Variants in DPP9 observed in about 807,000 individuals in gnomAD.
The protein encoded by DPP9 is dipeptidyl peptidase 9.
Under a neutral mutation model 110.7 loss-of-function variants are expected in DPP9, and 50 were observed. That is an observed-to-expected ratio of 0.45 (90% CI 0.36 to 0.57). The LOEUF (loss-of-function observed/expected upper bound fraction) is 0.57. Among genes scored for constraint, DPP9 ranks in the 20% least tolerant of loss-of-function variants. DPP9 has a pLI of 0.00. For synonymous variants in DPP9, 561 were observed against 514.4 expected (o/e 1.09, Z -1.23); for missense variants, 1,022 against 1,217.9 (o/e 0.84, Z 2.39).
chr19:4,692,988 G>A (rs983028139), intron 13 of DPP9, among the ~76,000 whole-genome samples: 3 of 152,144 alleles, frequency 2.0e-5, no homozygotes, highest in African/African-American at 4.8e-5. Flanking sequence ...TGGCTCATTC[G>A]CCCTTCAGCT....
In DPP9 at chr19:4,714,105, G is replaced by C. The variant is rs1174122867; in HGVS notation, c.289C>G (p.His97Asp). 6.2e-7 allele frequency: 1 copy of C among 1,611,906 alleles called. No homozygotes were observed. The highest frequency in any genetic ancestry group is 1.3e-5 in the African/African-American group (1 of 74,892). Residue 97 changes from histidine (H) to aspartate (D), a missense_variant, in exon 4 of 22, where the codon CAC becomes GAC. By Grantham distance (81) the His-to-Asp change is moderately conservative (BLOSUM62 -1). Coordinates refer to ENST00000262960, the MANE Select transcript of DPP9 (RefSeq NM_139159.5). Reference sequence around the variant, plus strand: ...CCCAGGTAGTAGAGGCGGTGGGAGTGGGGCCCAGACTCATCCGTCTTCTGC... The same window carrying C: ...CCCAGGTAGTAGAGGCGGTGGGAGTCGGGCCCAGACTCATCCGTCTTCTGC... ...FVQKTDESGPHSHRLYYLGMP... is the reference protein window; with the variant it reads ...FVQKTDESGPDSHRLYYLGMP...
At position 4,704,428 on chromosome 19, in the gene DPP9, A is replaced by T. The variant is rs2092469906; in HGVS notation, c.427-124T>A. 1 of 1,191,860 alleles carries T rather than the reference A, an allele frequency of 8.4e-7. No individual in the cohort carries two copies. Among genetic ancestry groups the T allele is most frequent in the Non-Finnish European group, 1.2e-6 (1 of 850,418 alleles). 73.8% of individuals were successfully genotyped at this position (1,191,860 alleles called of 1,614,324 possible). A position where few individuals can be genotyped will look rare whatever the true frequency, so the allele number is the denominator to read the frequency against. ...CTGACTTCGGGCCTCGCCAGAGAGA[A>T]CTTCCTGTACTGGGCAGAATTGGCT... On this transcript the variant is annotated intron_variant, in intron 5 of 21. Transcript: ENST00000262960. This position sits in a 1 kb window ranked among gnomAD's most constrained non-coding sequence, Gnocchi z 6.0.
rs1267518520 is a variant in DPP9, at chr19:4,675,332, T to A, written c.*1232A>T. On this transcript the variant is annotated 3_prime_UTR_variant, in exon 22 of 22. Transcript: ENST00000262960. Reference sequence around the variant, plus strand: ...TTCTTTCCATAATATGTAGAGGTGGTTTGTTTCTTTTTTTTTTTTTTCTTT... The same window carrying A: ...TTCTTTCCATAATATGTAGAGGTGGATTGTTTCTTTTTTTTTTTTTTCTTT... The A allele has an allele frequency of 1.3e-5, 2 of 149,988 alleles. No individual in the cohort carries two copies. The highest frequency in any genetic ancestry group is 3.0e-5 in the Non-Finnish European group (2 of 66,802). The allele number at this position is 149,988 out of a possible 1,614,324, so 9.3% of individuals were successfully genotyped here.
At chr19:4,719,496 T>G in intron 3 of DPP9, 1 of 308,858 alleles carries the variant, frequency 3.2e-6, no homozygotes, top group Non-Finnish European at 6.2e-6. Flanking sequence ...TACCCAGGAG[T>G]GATTCTGCCC....
intron 10 of DPP9, among the ~76,000 whole-genome samples, chr19:4,697,919 G>A (rs912270315): frequency 2.6e-5 from 4 of 152,174 alleles, no homozygotes; most frequent in Non-Finnish European, 5.9e-5. Flanking sequence ...CACATAGAGG[G>A]AAGCCGTCTT....
Position 4,676,175 on chromosome 19 carries a change from G to A in DPP9, c.*389C>T, listed in dbSNP as rs944299171. On this transcript the variant is annotated 3_prime_UTR_variant, in exon 22 of 22. Coordinates refer to ENST00000262960, the MANE Select transcript of DPP9 (RefSeq NM_139159.5). This position sits in a 1 kb window ranked among gnomAD's most constrained non-coding sequence, Gnocchi z 4.0. ...CAGGCAATTGCATGCTTGGGTGCTG[G>A]GGACGGTGGCTGGCCGGGCCAGGGG... 4.7e-6 allele frequency: 1 copy of A among 214,072 alleles called. No homozygotes were observed. The highest frequency in any genetic ancestry group is 9.4e-6 in the Non-Finnish European group (1 of 106,790). 13.3% of individuals were successfully genotyped at this position (214,072 alleles called of 1,614,324 possible). A position where few individuals can be genotyped will look rare whatever the true frequency, so the allele number is the denominator to read the frequency against.
intron 3 of DPP9, among the ~76,000 whole-genome samples, chr19:4,716,719 C>T (rs1331826353): frequency 6.6e-6 from 1 of 152,080 alleles, no homozygotes; most frequent in Non-Finnish European, 1.5e-5. Flanking sequence ...CTTGTGACAG[C>T]CCATTCTACA....
intron 2 of DPP9, among the ~76,000 whole-genome samples, chr19:4,720,536 C>T (rs1238812028): frequency 2.0e-5 from 3 of 152,240 alleles, no homozygotes; most frequent in African/African-American, 7.2e-5. Flanking sequence ...CCCATCACCA[C>T]ACCCAGACGC....
intron 4 of DPP9, among the ~76,000 whole-genome samples, chr19:4,709,862 G>A (rs1340086049): frequency 6.6e-6 from 1 of 152,216 alleles, no homozygotes; most frequent in Non-Finnish European, 1.5e-5. Flanking sequence ...CTAGTCCACA[G>A]GGACTCTCCA....
At chr19:4,705,366 A>G (rs1172209794) in intron 5 of DPP9, among the ~76,000 whole-genome samples, 1 of 152,174 alleles carries the variant, frequency 6.6e-6, no homozygotes, top group Non-Finnish European at 1.5e-5. Context: ...TGGAACTACA[A>G]GGCGAGTGCC....
At chr19:4,696,678 G>T (rs1248009424) in intron 11 of DPP9, among the ~76,000 whole-genome samples, 1 of 151,942 alleles carries the variant, frequency 6.6e-6, no homozygotes, top group Non-Finnish European at 1.5e-5. Context: ...GAACCTGGGA[G>T]TCAGAGGTTG....
At chr19:4,692,943 T>G (rs947745162) in intron 13 of DPP9, among the ~76,000 whole-genome samples, 4 of 152,156 alleles carry the variant, frequency 2.6e-5, no homozygotes. Context: ...CGCATCATAC[T>G]CAGCTCCGTG....
chr19:4,720,512 G>C (rs2093272382), intron 2 of DPP9, among the ~76,000 whole-genome samples: 1 of 152,094 alleles, frequency 6.6e-6, no homozygotes, highest in African/African-American at 2.4e-5. Context: ...ATCTGAAGAT[G>C]CTACCTGGCG....
intron 1 of DPP9, among the ~76,000 whole-genome samples, chr19:4,723,277 A>C (rs2093403248): frequency 6.6e-6 from 1 of 151,996 alleles, no homozygotes; most frequent in Non-Finnish European, 1.5e-5. Flanking sequence ...GGGGAGAGGG[A>C]GGAGATCGGG....
intron 4 of DPP9, among the ~76,000 whole-genome samples, chr19:4,713,652 G>A (rs959261458): frequency 2.0e-5 from 3 of 152,242 alleles, no homozygotes; most frequent in African/African-American, 7.2e-5. Flanking sequence ...TCCTCCTGGA[G>A]TTACTCCCGA....
Position 4,685,777 on chromosome 19 carries a change from G to A in DPP9, c.1886-6C>T. Reference sequence around the variant, plus strand: ...AACATAATCCGGGGGGCAGCCTGCGGGAGACAGGGCGGCTATCTGGCTGCC... The same window carrying A: ...AACATAATCCGGGGGGCAGCCTGCGAGAGACAGGGCGGCTATCTGGCTGCC... On this transcript the variant is annotated splice_region_variant and splice_polypyrimidine_tract_variant and intron_variant, in intron 16 of 21. Transcript: ENST00000262960. The surrounding 1 kb of genome is among the most constrained non-coding windows in gnomAD (Gnocchi z 5.8). 3 of 1,612,040 alleles carry A rather than the reference G, an allele frequency of 1.9e-6. No homozygotes were observed. The highest frequency in any genetic ancestry group is 2.5e-6 in the Non-Finnish European group (3 of 1,179,708).
chr19:4,720,040 G>GCC (rs3833277), intron 2 of DPP9, 99 bp from the exon 3 acceptor site: 29 of 1,045,604 alleles, frequency 2.8e-5, no homozygotes, highest in Non-Finnish European at 2.7e-5. Flanking sequence ...GCTCCAGGCA[G>GCC]CCCCCCAAGC....
chr19:4,722,314 G>C lies in DPP9; in HGVS notation c.-36+185C>G, dbSNP rs2093357593. The C allele has an allele frequency of 5.2e-6, 3 of 582,384 alleles. No homozygotes were observed. The Admixed American group carries it at 9.1e-5, about 18-fold the overall frequency. 36.1% of individuals were successfully genotyped at this position (582,384 alleles called of 1,614,324 possible). A position where few individuals can be genotyped will look rare whatever the true frequency, so the allele number is the denominator to read the frequency against. ...CTCCTTCCAGGGGCAGCTAGAGGGGGACAGGGGTGGAAAGAAAAGCCTCCA... is the reference window on the plus strand; with the variant it reads ...CTCCTTCCAGGGGCAGCTAGAGGGGCACAGGGGTGGAAAGAAAAGCCTCCA... On this transcript the variant is annotated intron_variant, in intron 2 of 21. Transcript: ENST00000262960.
At chr19:4,680,596 C>T (rs2089711016) in intron 20 of DPP9, among the ~76,000 whole-genome samples, 1 of 149,942 alleles carries the variant, frequency 6.7e-6, no homozygotes, top group African/African-American at 2.5e-5. Flanking sequence ...ACCTGTGGTC[C>T]CAGCTGAGCC....
Sources: gnomAD v4.1 joint callset for allele counts (sites outside exome capture counted in the v4.1 genomes callset) on GRCh38, gnomAD v4.1.1 for gene constraint, Gnocchi (gnomAD v3.1) non-coding constraint, MANE v1.5 for transcripts, NCBI Gene and HGNC (gene_info 2026-07-23, HGNC 2026-07-21) for gene names.